The following SANBR variants were observed in gnomAD, a reference collection of about 807,000 sequenced individuals.
SANBR encodes the protein SANT and BTB domain regulator of CSR, also known as SANT and BTB domain regulator of class switch recombination.
SANBR carries 77 observed loss-of-function variants against 101.8 expected under a neutral mutation model. The observed-to-expected ratio is 0.76, with a 90% CI of 0.63 to 0.91. SANBR has a LOEUF of 0.91. SANBR is among the 40% of genes least tolerant of loss of function. The probability of loss-of-function intolerance (pLI) is 0.00; values close to 1 mark genes in which losing one functional copy is unlikely to be tolerated. For synonymous variants in SANBR, 279 were observed against 274.7 expected, an observed-to-expected ratio of 1.02 and a Z score of -0.15; for missense variants, 875 against 853.0, an observed-to-expected ratio of 1.03 and a Z score of -0.32.
Position 61,088,445 on chromosome 2 carries a change from A to G in SANBR, c.1065A>G (p.Gly355=), listed in dbSNP as rs773140455. The part of the protein sequence containing the change: ...IPGKINVDRR[G]NIVYIHIRDK... ...GAAAAATCAATGTGGATCGACGTGG[A>G]AATATTGTCTATATTCACATAAGGT... The change falls in exon 10 of 22, where the codon GGA becomes GGG. Residue 355 remains glycine, a synonymous_variant. Coordinates refer to ENST00000402291, the MANE Select transcript of SANBR (RefSeq NM_001129993.3). 7 of 1,607,170 alleles carry G rather than the reference A, an allele frequency of 4.4e-6. No homozygotes were observed. Among genetic ancestry groups the G allele is most frequent in the Non-Finnish European group, 6.0e-6 (7 of 1,176,108 alleles).
chr2:61,119,519 A>T (rs1349391682), intron 20 of SANBR, among the ~76,000 whole-genome samples: 1 of 152,246 alleles, frequency 6.6e-6, no homozygotes, highest in African/African-American at 2.4e-5. Flanking sequence ...TCAAAACTCA[A>T]TAATAAAATT....
chr2:61,119,103 A>C (rs1684218797), intron 20 of SANBR, among the ~76,000 whole-genome samples: 1 of 152,236 alleles, frequency 6.6e-6, no homozygotes, highest in South Asian at 2.1e-4. Context: ...TGTAGTGCTT[A>C]GATGTCATCT....
In SANBR at chr2:61,116,033, C is replaced by A. The variant is rs746248540; in HGVS notation, c.1799C>A (p.Ser600Ter). Residue 600 changes from serine (S) to a stop codon, truncating the protein, a stop_gained, in exon 17 of 22, where the codon TCA becomes TAA. Coordinates refer to ENST00000402291, the MANE Select transcript of SANBR (RefSeq NM_001129993.3). LOFTEE classifies it high-confidence loss of function. ...AGACAACCAAAAAAGCAGGTATCTT[C>A]ACCCTGTGCCCAGAGGAAAGAAAAG... Reference protein sequence around the residue: ...FTRQPKKQVSSPCAQRKEKAL... With the variant: ...FTRQPKKQVS 6.2e-7 allele frequency: 1 copy of A among 1,612,288 alleles called. No homozygotes were observed. Among genetic ancestry groups the A allele is most frequent in the South Asian group, 1.1e-5 (1 of 90,708 alleles).
intron 6 of SANBR, among the ~76,000 whole-genome samples, chr2:61,079,018 G>A (rs1006593347): frequency 1.3e-5 from 2 of 151,860 alleles, no homozygotes; most frequent in Non-Finnish European, 2.9e-5. Flanking sequence ...CAGCCTGGGT[G>A]ACAGAGTGAG....
chr2:61,095,770 A>G (rs1229804662), intron 11 of SANBR, among the ~76,000 whole-genome samples: 1 of 152,058 alleles, frequency 6.6e-6, no homozygotes, highest in Non-Finnish European at 1.5e-5. Flanking sequence ...CCCACCTCAG[A>G]GTCCCCCGCA....
intron 16 of SANBR, among the ~76,000 whole-genome samples, chr2:61,114,533 G>T (rs1016529482): frequency 6.6e-6 from 1 of 152,094 alleles, no homozygotes; most frequent in Non-Finnish European, 1.5e-5. Context: ...AAAACCTTCT[G>T]GCCTTCTAAG....
At chr2:61,075,700 A>G (rs1681727854) in intron 5 of SANBR, among the ~76,000 whole-genome samples, 1 of 151,958 alleles carries the variant, frequency 6.6e-6, no homozygotes, top group Non-Finnish European at 1.5e-5. Flanking sequence ...TTTTAACTAC[A>G]TTTATTAATT....
At chr2:61,076,395 A>G (rs1573591549) in intron 5 of SANBR, among the ~76,000 whole-genome samples, 1 of 149,616 alleles carries the variant, frequency 6.7e-6, no homozygotes, top group East Asian at 2.0e-4. Context: ...AGGCAGGCGG[A>G]TCACGAGGTC....
Position 61,101,108 on chromosome 2 carries a change from A to G in SANBR, c.1366-2745A>G, listed in dbSNP as rs535702223. ...TACTTAGAAGTTTTATTGGTGAGGT[A>G]ATGGATTACTTACATAACATTCATA... On this transcript the variant is annotated intron_variant, in intron 12 of 21. Coordinates refer to ENST00000402291, the MANE Select transcript of SANBR (RefSeq NM_001129993.3). 9.8e-4 allele frequency among the ~76,000 whole-genome samples: 150 copies of G among 152,336 alleles called. 1 individual carries two copies. The highest frequency in any genetic ancestry group is 3.4e-3 in the African/African-American group (143 of 41,578).
chr2:61,117,787 A>G (rs1684145641), intron 19 of SANBR, among the ~76,000 whole-genome samples: 2 of 152,218 alleles, frequency 1.3e-5, no homozygotes, highest in African/African-American at 2.4e-5. Flanking sequence ...TTTTCACCAT[A>G]AAGATGACTG....
chr2:61,112,221 T>C (rs903861353), intron 16 of SANBR, among the ~76,000 whole-genome samples: 3 of 152,252 alleles, frequency 2.0e-5, no homozygotes, highest in African/African-American at 4.8e-5. Context: ...TTCCAGTTGC[T>C]GCACATTCAC....
chr2:61,072,511 A>C (rs2104846182), intron 4 of SANBR, among the ~76,000 whole-genome samples: 1 of 152,296 alleles, frequency 6.6e-6, no homozygotes, highest in South Asian at 2.1e-4. Flanking sequence ...CAGGAGGTGA[A>C]GGTTACAGTC....
intron 20 of SANBR, among the ~76,000 whole-genome samples, chr2:61,131,045 G>T (rs929102719): frequency 2.0e-5 from 3 of 150,262 alleles, no homozygotes; most frequent in Admixed American, 6.7e-5. Flanking sequence ...AACATAGAAG[G>T]GAACTTCCTC....
In SANBR at chr2:61,122,350, A is replaced by T. The variant is rs1684366803; in HGVS notation, c.*188A>T. 8.0e-7 allele frequency: 1 copy of T among 1,248,272 alleles called. No homozygotes were observed. The highest frequency in any genetic ancestry group is 3.5e-5 in the Admixed American group (1 of 28,420). 77.3% of individuals were successfully genotyped at this position (1,248,272 alleles called of 1,614,324 possible). ...TATGAAAATCTAATTGTAAATATGA[A>T]ACTTTTTAAATCTGATTTTCTTCTA... On this transcript the variant is annotated 3_prime_UTR_variant, in exon 22 of 22. Transcript: ENST00000402291.
intron 5 of SANBR, among the ~76,000 whole-genome samples, chr2:61,073,787 A>G (rs1342821398): frequency 1.3e-5 from 2 of 151,918 alleles, no homozygotes; most frequent in Admixed American, 6.6e-5. Flanking sequence ...TAAATATTAG[A>G]AGTAATATCT....
At chr2:61,079,949 G>A (rs1245814174) in intron 6 of SANBR, among the ~76,000 whole-genome samples, 2 of 150,864 alleles carry the variant, frequency 1.3e-5, no homozygotes, top group South Asian at 2.1e-4. Context: ...TGTAATCCTA[G>A]CACACTGGGA....
At position 61,123,425 on chromosome 2, in the gene SANBR, T is replaced by G. The variant is rs771660274; in HGVS notation, c.*1263T>G. ...AGTTGATAAATGAAGCTAGATGTTA[T>G]TTGATAACTGGCTTTGCCAAGGTTT... On this transcript the variant is annotated 3_prime_UTR_variant, in exon 22 of 22. Coordinates refer to ENST00000402291, the MANE Select transcript of SANBR (RefSeq NM_001129993.3). 82 of 985,016 alleles carry G rather than the reference T, an allele frequency of 8.3e-5. No homozygotes were observed. The highest frequency in any genetic ancestry group is 8.6e-5 in the Non-Finnish European group (71 of 829,508). The allele number at this position is 985,016 out of a possible 1,614,324, so 61.0% of individuals were successfully genotyped here. A position where few individuals can be genotyped will look rare whatever the true frequency, so the allele number is the denominator to read the frequency against.
intron 12 of SANBR, among the ~76,000 whole-genome samples, chr2:61,102,320 T>C (rs1468007872): frequency 7.7e-6 from 1 of 129,890 alleles, no homozygotes; most frequent in African/African-American, 3.0e-5. Flanking sequence ...AGACCCGCGA[T>C]CGTACCACTG....
At chr2:61,120,361 G>C (rs917680820) in intron 20 of SANBR, among the ~76,000 whole-genome samples, 1 of 152,122 alleles carries the variant, frequency 6.6e-6, no homozygotes, top group Non-Finnish European at 1.5e-5. Context: ...TTAGCTGGGC[G>C]TGGTGGTGCA....
Sources: gnomAD v4.1 joint callset for allele counts (sites outside exome capture counted in the v4.1 genomes callset) on GRCh38, gnomAD v4.1.1 for gene constraint, MANE v1.5 for transcripts, NCBI Gene and HGNC (gene_info 2026-07-23, HGNC 2026-07-21) for gene names.